Variants in TENM1 observed in about 807,000 individuals in gnomAD.
The protein encoded by TENM1 is teneurin-1.
TENM1 carries 35 observed loss-of-function variants against 174.8 expected under a neutral mutation model. The ratio of observed to expected loss-of-function variants is 0.20; its 90% CI spans 0.15 to 0.27. The LOEUF is 0.27. Among genes scored for constraint, TENM1 ranks in the 10% least tolerant of loss-of-function variants. The probability of loss-of-function intolerance (pLI) is 1.00; values close to 1 mark genes in which losing one functional copy is unlikely to be tolerated. For missense variants in TENM1, 1,633 were observed against 2,130.1 expected, an observed-to-expected ratio of 0.77 and a Z score of 4.59; for synonymous variants, 781 against 798.7, an observed-to-expected ratio of 0.98 and a Z score of 0.37.
the TENM1 span, among the ~76,000 whole-genome samples, chrX:124,983,514 C>A: frequency 9.0e-6 from 1 of 111,650 alleles, no homozygotes; most frequent in Non-Finnish European, 1.9e-5. Context: ...AGTGACCAAC[C>A]CAAACTTGGC....
chrX:124,539,041 C>G (rs993796076), intron 15 of TENM1, among the ~76,000 whole-genome samples: 1 of 111,418 alleles, frequency 9.0e-6, no homozygotes, highest in African/African-American at 3.3e-5. Flanking sequence ...TTCTCAATGT[C>G]CTCCTGGAGG....
At chrX:124,810,086 A>G (rs1297460081) in intron 3 of TENM1, among the ~76,000 whole-genome samples, 1 of 111,153 alleles carries the variant, frequency 9.0e-6, no homozygotes, top group Non-Finnish European at 1.9e-5. Context: ...AAGACCATAT[A>G]TGACAAACTC....
In TENM1 at chrX:124,714,415, G is replaced by A. The variant is rs183303037; in HGVS notation, c.777-9164C>T. Among the ~76,000 whole-genome samples the A allele has an allele frequency of 8.0e-4, 90 of 112,034 alleles. 1 individual carries two copies. The highest frequency in any genetic ancestry group is 2.9e-3 in the African/African-American group (90 of 30,914). ...ATCACTCATAATATTAATCATTGAG[G>A]TAGTATGATCTTCTTAATTCACCTG... On this transcript the variant is annotated intron_variant, in intron 4 of 31. Transcript: ENST00000422452.
intron 1 of TENM1, among the ~76,000 whole-genome samples, chrX:124,962,216 T>C (rs188839875): frequency 7.2e-4 from 81 of 111,875 alleles, no homozygotes; most frequent in African/African-American, 2.5e-3. Context: ...AGGTTAGGTC[T>C]GAAGATAAAT....
At chrX:125,195,629 C>T in the TENM1 span, among the ~76,000 whole-genome samples, 2 of 111,112 alleles carry the variant, frequency 1.8e-5, no homozygotes, top group Admixed American at 9.6e-5. Context: ...CTAAGTGTTG[C>T]GATTTTATTA....
chrX:124,630,706 T>C (rs925771392), intron 11 of TENM1, among the ~76,000 whole-genome samples: 2 of 111,306 alleles, frequency 1.8e-5, no homozygotes, highest in African/African-American at 3.3e-5. Flanking sequence ...AGTTTTTAGC[T>C]ACCTTGGGCC....
chrX:124,665,689 C>A (rs1246103060), intron 6 of TENM1, among the ~76,000 whole-genome samples: 3 of 111,970 alleles, frequency 2.7e-5, no homozygotes, highest in Admixed American at 9.5e-5. Context: ...GTGTGTACAG[C>A]TGAAAGGGAT....
At chrX:124,884,133 G>A (rs1438312723) in intron 3 of TENM1, among the ~76,000 whole-genome samples, 2 of 111,273 alleles carry the variant, frequency 1.8e-5, no homozygotes, top group East Asian at 5.7e-4. Context: ...CTACAGCAGG[G>A]TAGCCTGTCA....
chrX:124,690,521 GTGTGTA>G (rs1399679236), intron 5 of TENM1, among the ~76,000 whole-genome samples: 32 of 105,924 alleles, frequency 3.0e-4, no homozygotes, highest in African/African-American at 1.1e-3. Flanking sequence ...GTGTGTGTGT[GTGTGTA>G]TACACACATA....
intron 1 of TENM1, among the ~76,000 whole-genome samples, chrX:124,905,787 T>TC (rs1426576759): frequency 9.1e-6 from 1 of 110,093 alleles, no homozygotes; most frequent in African/African-American, 3.3e-5. Context: ...CTTCAGAGGG[T>TC]CCCCCCTGCA....
At chrX:124,711,663 A>AT (rs201299136) in intron 4 of TENM1, among the ~76,000 whole-genome samples, 1,239 of 111,816 alleles carry the variant, frequency 0.011, 14 homozygotes, top group African/African-American at 0.037. Flanking sequence ...GAATTTAGGT[A>AT]TTTTTTTAAA....
chrX:124,469,622 G>A (rs2061278134), intron 22 of TENM1, among the ~76,000 whole-genome samples: 1 of 111,050 alleles, frequency 9.0e-6, no homozygotes, highest in Admixed American at 9.7e-5. Context: ...ATATCTTTAC[G>A]ACAGGAAGAT....
At chrX:125,079,365 T>C in the TENM1 span, among the ~76,000 whole-genome samples, 1 of 111,692 alleles carries the variant, frequency 9.0e-6, no homozygotes, top group Non-Finnish European at 1.9e-5. Context: ...ACACAGCCTG[T>C]TTCATTGTCC....
At chrX:124,782,439 A>ACCC (rs1438004246) in intron 3 of TENM1, among the ~76,000 whole-genome samples, 1 of 109,640 alleles carries the variant, frequency 9.1e-6, no homozygotes, top group Non-Finnish European at 1.9e-5. Flanking sequence ...CTTGACTCTT[A>ACCC]CCCCCCTCCC....
chrX:125,002,668 T>A, the TENM1 span, among the ~76,000 whole-genome samples: 1 of 111,896 alleles, frequency 8.9e-6, no homozygotes, highest in Non-Finnish European at 1.9e-5. Context: ...GCTGTACATT[T>A]GACACACAAA....
At chrX:124,579,604 C>T (rs1478058221) in intron 11 of TENM1, among the ~76,000 whole-genome samples, 1 of 111,626 alleles carries the variant, frequency 9.0e-6, no homozygotes, top group Non-Finnish European at 1.9e-5. Context: ...TTATTGCATA[C>T]CATCTTTTAT....
At chrX:125,110,817 G>A in the TENM1 span, among the ~76,000 whole-genome samples, 1 of 111,810 alleles carries the variant, frequency 8.9e-6, no homozygotes, top group African/African-American at 3.3e-5. Flanking sequence ...TTAAACATTT[G>A]TTGTCTTTCT....
chrX:124,475,446 A>C (rs947459926), intron 22 of TENM1, among the ~76,000 whole-genome samples: 2 of 111,633 alleles, frequency 1.8e-5, no homozygotes, highest in African/African-American at 6.5e-5. Flanking sequence ...CAAGCTTCTC[A>C]GAAGAGTGAG....
At chrX:125,121,310 C>T in the TENM1 span, among the ~76,000 whole-genome samples, 5 of 111,332 alleles carry the variant, frequency 4.5e-5, no homozygotes, top group African/African-American at 9.8e-5. Context: ...GGCATCCACA[C>T]GACATAAAAC....
Sources: gnomAD v4.1 joint callset for allele counts (sites outside exome capture counted in the v4.1 genomes callset) on GRCh38, gnomAD v4.1.1 for gene constraint, MANE v1.5 for transcripts, NCBI Gene and HGNC (gene_info 2026-07-23, HGNC 2026-07-21) for gene names.